GATAD2A: variants seen among roughly 807,000 people sequenced by gnomAD.
GATAD2A encodes the protein GATA zinc finger domain containing 2A.
Under a neutral mutation model 68.5 loss-of-function variants are expected in GATAD2A, and 12 were observed. That is an observed-to-expected ratio of 0.18 (90% CI 0.11 to 0.28). The LOEUF (loss-of-function observed/expected upper bound fraction) is 0.28, where lower values mean the gene tolerates loss of function less well. GATAD2A is among the 10% of genes least tolerant of loss of function. The pLI is 1.00. For missense variants in GATAD2A, 755 were observed against 868.5 expected (o/e 0.87, Z 1.64); for synonymous variants, 410 against 375.3 (o/e 1.09, Z -1.07).
At chr19:19,425,531 T>A (rs2052972191) in intron 1 of GATAD2A, among the ~76,000 whole-genome samples, 1 of 152,304 alleles carries the variant, frequency 6.6e-6, no homozygotes, top group Middle Eastern at 3.4e-3. Flanking sequence ...CAGGAGCACT[T>A]GACCAAGCCA....
At chr19:19,481,084 C>T (rs1283359320) in intron 2 of GATAD2A, among the ~76,000 whole-genome samples, 1 of 152,158 alleles carries the variant, frequency 6.6e-6, no homozygotes, top group Non-Finnish European at 1.5e-5. Flanking sequence ...GGGAGTCCTT[C>T]CTCCACCCTG....
chr19:19,484,367 TC>T (rs1405866803), intron 2 of GATAD2A, among the ~76,000 whole-genome samples: 2 of 151,916 alleles, frequency 1.3e-5, no homozygotes, highest in African/African-American at 4.8e-5. Flanking sequence ...GCCCAGGAGT[TC>T]CAGGCTACAT....
At chr19:19,385,980 T>G (rs2048385583) in exon 1 of GATAD2A, 1 of 149,520 alleles carries the variant, frequency 6.7e-6, no homozygotes, top group Non-Finnish European at 1.5e-5. Flanking sequence ...GCGCAGTCGG[T>G]CGGTCGGTCG....
chr19:19,478,982 C>G (rs1348363546), intron 2 of GATAD2A, among the ~76,000 whole-genome samples: 2 of 152,196 alleles, frequency 1.3e-5, no homozygotes, highest in African/African-American at 4.8e-5. Context: ...ATTTCTGTGT[C>G]CATCCTCTTG....
intron 11 of GATAD2A, among the ~76,000 whole-genome samples, chr19:19,503,962 T>G (rs1448508163): frequency 6.6e-6 from 1 of 152,200 alleles, no homozygotes; most frequent in Non-Finnish European, 1.5e-5. Context: ...ATCCCAGCAC[T>G]TTGTGAGGCC....
intron 4 of GATAD2A, among the ~76,000 whole-genome samples, chr19:19,493,127 G>C (rs907818083): frequency 1.3e-5 from 2 of 152,126 alleles, no homozygotes; most frequent in South Asian, 2.1e-4. Context: ...TTTTAGTGGA[G>C]ACGGGGTTTC....
intron 2 of GATAD2A, among the ~76,000 whole-genome samples, chr19:19,484,032 A>G (rs2059244385): frequency 6.6e-6 from 1 of 151,838 alleles, no homozygotes; most frequent in Non-Finnish European, 1.5e-5. Context: ...AGGAGGGAGG[A>G]CTGCGTGGGG....
chr19:19,457,734 G>C (rs2057066277), intron 1 of GATAD2A, among the ~76,000 whole-genome samples: 1 of 149,770 alleles, frequency 6.7e-6, no homozygotes, highest in South Asian at 2.1e-4. Context: ...GACTGAGACT[G>C]TGTCTCAAAA....
chr19:19,491,034 C>G (rs573559730), intron 2 of GATAD2A, among the ~76,000 whole-genome samples: 46 of 152,322 alleles, frequency 3.0e-4, no homozygotes, highest in African/African-American at 1.0e-3. Context: ...TTCAGCCTTG[C>G]GCCTTCAGTA....
At chr19:19,407,593 C>T (rs982125106) in intron 1 of GATAD2A, among the ~76,000 whole-genome samples, 7 of 152,220 alleles carry the variant, frequency 4.6e-5, no homozygotes, top group African/African-American at 1.4e-4. Context: ...TTCCCTGGCG[C>T]TTCTAAAATA....
intron 5 of GATAD2A, 47 bp from the exon 6 acceptor site, chr19:19,495,707 T>C (rs201855130): frequency 6.5e-7 from 1 of 1,527,094 alleles, no homozygotes; most frequent in East Asian, 2.3e-5. Flanking sequence ...AAAAAAAGTG[T>C]GGGGGGGTCC....
intron 2 of GATAD2A, among the ~76,000 whole-genome samples, chr19:19,474,473 A>G (rs945717942): frequency 6.6e-6 from 1 of 152,038 alleles, no homozygotes; most frequent in African/African-American, 2.4e-5. Flanking sequence ...TTTTCCAGGG[A>G]TGCACTCACA....
chr19:19,420,344 T>G (rs1483400083), intron 1 of GATAD2A, among the ~76,000 whole-genome samples: 1 of 141,216 alleles, frequency 7.1e-6, no homozygotes, highest in African/African-American at 2.6e-5. Context: ...TTTTTTTTTT[T>G]TTTTTGATAC....
chr19:19,445,944 G>C (rs947704186), intron 1 of GATAD2A, among the ~76,000 whole-genome samples: 1 of 152,104 alleles, frequency 6.6e-6, no homozygotes, highest in Admixed American at 6.5e-5. Flanking sequence ...AAGTGGACTT[G>C]CAGGACACTC....
intron 2 of GATAD2A, among the ~76,000 whole-genome samples, chr19:19,483,356 C>G (rs1219694253): frequency 6.6e-6 from 1 of 152,208 alleles, no homozygotes; most frequent in African/African-American, 2.4e-5. Context: ...AATCCCATCC[C>G]AGCTGCTCAC....
At chr19:19,487,469 G>A (rs1305809652) in intron 2 of GATAD2A, among the ~76,000 whole-genome samples, 1 of 150,334 alleles carries the variant, frequency 6.7e-6, no homozygotes, top group African/African-American at 2.4e-5. Context: ...GGAGCCAAAG[G>A]CACTTAGATG....
chr19:19,444,872 TAAAAAA>T lies in GATAD2A; in HGVS notation c.-6-20455_-6-20450del, dbSNP rs10641522. On this transcript the variant is annotated intron_variant, in intron 1 of 11. Transcript: ENST00000683918. ...GACAACAGAGTGAGACCTCGTCCCT[TAAAAAA>T]AAAAAAAAAAAAGCCACCATGGCAG... 6.5e-5 allele frequency among the ~76,000 whole-genome samples: 8 copies of T among 123,172 alleles called. No individual in the cohort carries two copies. The South Asian group carries it at 1.9e-3, about 30-fold the overall frequency. The allele number at this position is 123,172 out of a possible 152,430, so 80.8% of individuals were successfully genotyped here. A position where few individuals can be genotyped will look rare whatever the true frequency, so the allele number is the denominator to read the frequency against.
At chr19:19,497,263 T>G (rs1675550661) in intron 7 of GATAD2A, among the ~76,000 whole-genome samples, 1 of 152,062 alleles carries the variant, frequency 6.6e-6, no homozygotes, top group Non-Finnish European at 1.5e-5. Flanking sequence ...GCCCAGCTAG[T>G]TATTGTATTT....
chr19:19,483,764 G>A (rs1050698681), intron 2 of GATAD2A, among the ~76,000 whole-genome samples: 4 of 150,310 alleles, frequency 2.7e-5, no homozygotes, highest in African/African-American at 7.4e-5. Context: ...ACAGGTGCCC[G>A]CCACCATACC....
Sources: gnomAD v4.1 joint callset for allele counts (sites outside exome capture counted in the v4.1 genomes callset) on GRCh38, gnomAD v4.1.1 for gene constraint, MANE v1.5 for transcripts, NCBI Gene and HGNC (gene_info 2026-07-23, HGNC 2026-07-21) for gene names.